The following POLE3 variants were observed in gnomAD, a reference collection of about 807,000 sequenced individuals.
POLE3 encodes the protein DNA polymerase epsilon subunit 3.
In POLE3, 10 loss-of-function variants were observed where a neutral mutation model predicts 16.1. The ratio of observed to expected loss-of-function variants is 0.62; its 90% CI spans 0.38 to 1.05. The LOEUF is 1.05. Among genes scored for constraint, POLE3 ranks in the 50% least tolerant of loss-of-function variants. The probability of loss-of-function intolerance (pLI) is 0.01; values close to 1 mark genes in which losing one functional copy is unlikely to be tolerated. For synonymous variants in POLE3, 83 were observed against 71.0 expected (o/e 1.17, Z -0.85); for missense variants, 169 against 185.0 (o/e 0.91, Z 0.50).
At position 113,410,385 on chromosome 9, in the gene POLE3, G is replaced by C. The variant is rs1174811118; in HGVS notation, c.-92C>G. 7 of 1,252,830 alleles carry C rather than the reference G, an allele frequency of 5.6e-6. No individual in the cohort carries two copies. Among genetic ancestry groups the C allele is most frequent in the African/African-American group, 1.5e-5 (1 of 67,778 alleles). 77.6% of individuals were successfully genotyped at this position (1,252,830 alleles called of 1,614,324 possible). A position where few individuals can be genotyped will look rare whatever the true frequency, so the allele number is the denominator to read the frequency against. On this transcript the variant is annotated 5_prime_UTR_variant, in exon 2 of 5. Transcript: ENST00000374171. ...GCGTCGCTACGGTCTGACCCTGCGA[G>C]GTTTCCGTTCCGCCCCACGTGGCCT...
At chr9:113,410,457 C>G in intron 1 of POLE3, 49 bp from the exon 2 acceptor site, 1 of 634,670 alleles carries the variant, frequency 1.6e-6, no homozygotes, top group East Asian at 2.8e-5. Flanking sequence ...CTCCTCCCCC[C>G]ACAGCCCCGC....
Position 113,408,519 on chromosome 9 carries a change from A to G in POLE3, c.*292T>C, listed in dbSNP as rs1827983968. On this transcript the variant is annotated 3_prime_UTR_variant, in exon 5 of 5. Coordinates refer to ENST00000374171, the MANE Select transcript of POLE3 (RefSeq NM_017443.5). ...ACTGCAGATCAAAAACCATCTAACC[A>G]TACATTTAAGTAAACAAAAGCGAGC... The G allele has an allele frequency of 4.4e-6, 1 of 226,030 alleles. No homozygotes were observed. Among genetic ancestry groups the G allele is most frequent in the African/African-American group, 2.3e-5 (1 of 43,978 alleles). 14.0% of individuals were successfully genotyped at this position (226,030 alleles called of 1,614,324 possible).
chr9:113,410,578 C>T (rs564041448), intron 1 of POLE3, 39 bp downstream of exon 1: 7 of 521,250 alleles, frequency 1.3e-5, no homozygotes, highest in Non-Finnish European at 2.4e-5. Flanking sequence ...AGGTCCATTT[C>T]TCTGCTTCTC....
At position 113,408,603 on chromosome 9, in the gene POLE3, TGA is replaced by T; in HGVS notation, c.*206_*207del. 4.3e-6 allele frequency: 2 copies of T among 466,712 alleles called. No individual in the cohort carries two copies. The allele number at this position is 466,712 out of a possible 1,614,324, so 28.9% of individuals were successfully genotyped here. On this transcript the variant is annotated 3_prime_UTR_variant, in exon 5 of 5. Coordinates refer to ENST00000374171, the MANE Select transcript of POLE3 (RefSeq NM_017443.5). ...TGTCAAAAGGCCATAACCTTCAGATTGATGAAGCAAAACAGGATTCTGCTACT... is the reference window on the plus strand; with the variant it reads ...TGTCAAAAGGCCATAACCTTCAGATTTGAAGCAAAACAGGATTCTGCTACT...
At position 113,409,726 on chromosome 9, in the gene POLE3, G is replaced by T; in HGVS notation, c.155C>A (p.Ala52Asp). The change falls in exon 4 of 5, where the codon GCT becomes GAT. Residue 52 changes from alanine to aspartate, a missense_variant and splice_region_variant. Transcript: ENST00000374171. ...SVFVLYATSCANNFAMKGKRK... is the reference protein window; with the variant it reads ...SVFVLYATSCDNNFAMKGKRK... ...CTTTCCTTTCATTGCAAAGTTGTTA[G>T]CACTGAGAGAAGAGAAAGGCTGTCA... 6.3e-7 allele frequency: 1 copy of T among 1,593,578 alleles called. No individual in the cohort carries two copies. Among genetic ancestry groups the T allele is most frequent in the Non-Finnish European group, 8.6e-7 (1 of 1,161,528 alleles).
chr9:113,409,861 C>G, intron 3 of POLE3, 133 bp from the exon 4 acceptor site: 1 of 765,784 alleles, frequency 1.3e-6, no homozygotes, highest in Non-Finnish European at 2.2e-6. Context: ...ATAAGTCCTT[C>G]CCTTCTCTGC....
chr9:113,410,105 C>G lies in POLE3; in HGVS notation c.102G>C (p.Arg34=). The G allele has an allele frequency of 6.3e-7, 1 of 1,589,198 alleles. No homozygotes were observed. Among genetic ancestry groups the G allele is most frequent in the Non-Finnish European group, 8.6e-7 (1 of 1,168,492 alleles). ...PDGVNISKEA[R]SAISRAASVF... is the part of the protein sequence containing the mutation. ...CGCTGGCGGCGCGGGAGATGGCGCT[C>G]CGGGCCTCCTTGGAGATGTTGACAC... Residue 34 remains arginine, a synonymous_variant, in exon 3 of 5, where the codon CGG becomes CGC. Coordinates refer to ENST00000374171, the MANE Select transcript of POLE3 (RefSeq NM_017443.5).
chr9:113,410,083 T>C lies in POLE3; in HGVS notation c.124A>G (p.Ser42Gly). 1 of 1,579,426 alleles carries C rather than the reference T, an allele frequency of 6.3e-7. No homozygotes were observed. Among genetic ancestry groups the C allele is most frequent in the Non-Finnish European group, 8.6e-7 (1 of 1,163,050 alleles). The change falls in exon 3 of 5, where the codon AGC becomes GGC. Residue 42 changes from serine (S) to glycine (G), a missense_variant. Ser to Gly is a moderately conservative substitution (Grantham distance 56). Coordinates refer to ENST00000374171, the MANE Select transcript of POLE3 (RefSeq NM_017443.5). ...GATGTGGCGTACAGCACGAAGACGC[T>C]GGCGGCGCGGGAGATGGCGCTCCGG... ...EARSAISRAA[S>G]VFVLYATSCA...
In POLE3 at chr9:113,408,154, T is replaced by G. The variant is rs1319500092; in HGVS notation, c.*657A>C. ...TCCACACTGCTGATTTAAGAATATC[T>G]GTGATCAGATTACTACCACACCAGC... On this transcript the variant is annotated 3_prime_UTR_variant, in exon 5 of 5. Transcript: ENST00000374171. The G allele has an allele frequency of 6.6e-6, 1 of 152,294 alleles. No individual in the cohort carries two copies. The highest frequency in any genetic ancestry group is 1.5e-5 in the Non-Finnish European group (1 of 68,082). The allele number at this position is 152,294 out of a possible 1,614,324, so 9.4% of individuals were successfully genotyped here.
rs1827963743 is a variant in POLE3 at position 113,407,342 on chromosome 9, C to G, written c.*1469G>C. The G allele has an allele frequency of 6.6e-6, 1 of 152,604 alleles. No homozygotes were observed. Among genetic ancestry groups the G allele is most frequent in the South Asian group, 2.1e-4 (1 of 4,828 alleles). The allele number at this position is 152,604 out of a possible 1,614,324, so 9.5% of individuals were successfully genotyped here. A position where few individuals can be genotyped will look rare whatever the true frequency, so the allele number is the denominator to read the frequency against. ...AAGTTAACAGTGTCAAACTACACGT[C>G]ACTACCTGTCAAACCCCAAGCACTC... On this transcript the variant is annotated 3_prime_UTR_variant, in exon 5 of 5. Coordinates refer to ENST00000374171, the MANE Select transcript of POLE3 (RefSeq NM_017443.5).
chr9:113,408,821 ACTT>A lies in POLE3; in HGVS notation c.431_433del (p.Glu144del), dbSNP rs773791940. ...AGTCTCCCGCCCTTTTCAGTTGTCT[ACTT>A]CTTCCTCTTCATTCTGTTCTTCTTC... is the stretch of plus-strand genomic sequence containing the variant. On this transcript the variant is annotated inframe_deletion, in exon 5 of 5. Coordinates refer to ENST00000374171, the MANE Select transcript of POLE3 (RefSeq NM_017443.5). The A allele has an allele frequency of 1.2e-6, 2 of 1,612,956 alleles. No homozygotes were observed. The highest frequency in any genetic ancestry group is 1.1e-5 in the South Asian group (1 of 91,042).
chr9:113,409,037 AC>A, intron 4 of POLE3, 54 bp from the exon 5 acceptor site: 1 of 1,522,668 alleles, frequency 6.6e-7, no homozygotes, highest in South Asian at 1.1e-5. Flanking sequence ...AGCCAGACGG[AC>A]TGCAGGAGCT....
intron 4 of POLE3, among the ~76,000 whole-genome samples, chr9:113,409,245 A>T (rs971569710): frequency 1.3e-5 from 2 of 151,674 alleles, no homozygotes; most frequent in African/African-American, 2.4e-5. Flanking sequence ...CTGTAGTCCC[A>T]GCTACTCGGG....
At chr9:113,410,018 T>C in intron 3 of POLE3, 37 bp downstream of exon 3, 1 of 1,511,204 alleles carries the variant, frequency 6.6e-7, no homozygotes, top group South Asian at 1.2e-5. Context: ...CCCAGCCAGG[T>C]ATCCCCGCGC....
chr9:113,410,206 C>T (rs1446651599), intron 2 of POLE3, 22 bp downstream of exon 2: 4 of 1,612,698 alleles, frequency 2.5e-6, no homozygotes, highest in East Asian at 2.2e-5. Context: ...GCCCGTTCGT[C>T]CGCCCCCCCC....
At chr9:113,409,038 C>G in intron 4 of POLE3, 55 bp from the exon 5 acceptor site, 2 of 1,513,918 alleles carry the variant, frequency 1.3e-6, no homozygotes, top group Non-Finnish European at 9.1e-7. Context: ...GCCAGACGGA[C>G]TGCAGGAGCT....
At chr9:113,410,004 AACTCCCAGCCAGGT>A (rs1564391397) in intron 3 of POLE3, 37 bp downstream of exon 3, 1 of 1,452,834 alleles carries the variant, frequency 6.9e-7, no homozygotes, top group East Asian at 2.5e-5. Flanking sequence ...CCCAGCCAGC[AACTCCCAGCCAGGT>A]ATCCCCGCGC....
At position 113,408,601 on chromosome 9, in the gene POLE3, A is replaced by T; in HGVS notation, c.*210T>A. ...CTTGTCAAAAGGCCATAACCTTCAG[A>T]TTGATGAAGCAAAACAGGATTCTGC... On this transcript the variant is annotated 3_prime_UTR_variant, in exon 5 of 5. Coordinates refer to ENST00000374171, the MANE Select transcript of POLE3 (RefSeq NM_017443.5). 2 of 464,492 alleles carry T rather than the reference A, an allele frequency of 4.3e-6. No individual in the cohort carries two copies. The allele number at this position is 464,492 out of a possible 1,614,324, so 28.8% of individuals were successfully genotyped here. A position where few individuals can be genotyped will look rare whatever the true frequency, so the allele number is the denominator to read the frequency against.
Position 113,408,861 on chromosome 9 carries a change from C to T in POLE3, c.394G>A (p.Glu132Lys), listed in dbSNP as rs1827995396. 1 of 1,613,290 alleles carries T rather than the reference C, an allele frequency of 6.2e-7. No individual in the cohort carries two copies. Reference protein sequence around the residue: ...SRDEDNDEDEERLEEEEQNEE... With the variant: ...SRDEDNDEDEKRLEEEEQNEE... The stretch of plus-strand genomic sequence containing the variant: ...TTCTGTTCTTCTTCTTCCAGCCTTT[C>T]TTCGTCTTCATCATTGTCCTCATCC... The change falls in exon 5 of 5, where the codon GAA becomes AAA. Residue 132 changes from glutamate to lysine, a missense_variant. Transcript: ENST00000374171.
Sources: allele counts gnomAD v4.1 joint callset (sites outside exome capture counted in the v4.1 genomes callset), GRCh38; gene constraint gnomAD v4.1.1; transcripts MANE v1.5; gene names NCBI Gene and HGNC (gene_info 2026-07-23, HGNC 2026-07-21).